Variants in STRBP observed in about 807,000 individuals in gnomAD.
STRBP encodes spermatid perinuclear RNA binding protein.
In STRBP, 13 loss-of-function variants were observed where a neutral mutation model predicts 80.1. The ratio of observed to expected loss-of-function variants is 0.16; its 90% CI spans 0.11 to 0.26. The LOEUF (loss-of-function observed/expected upper bound fraction) is 0.26, where lower values mean the gene tolerates loss of function less well. Among genes scored for constraint, STRBP ranks in the 10% least tolerant of loss-of-function variants. The pLI, the probability that STRBP is intolerant of heterozygous loss-of-function variation, is 1.00. For missense variants in STRBP, 485 were observed against 815.2 expected, an observed-to-expected ratio of 0.59 and a Z score of 4.93; for synonymous variants, 284 against 291.2, an observed-to-expected ratio of 0.98 and a Z score of 0.25.
chr9:123,238,872 C>G (rs1040052489), intron 1 of STRBP, among the ~76,000 whole-genome samples: 9 of 152,026 alleles, frequency 5.9e-5, no homozygotes, highest in Non-Finnish European at 1.3e-4. Flanking sequence ...GACACCCCCC[C>G]ACAATAAATT....
At chr9:123,208,588 C>T (rs2039603755) in intron 2 of STRBP, among the ~76,000 whole-genome samples, 1 of 152,166 alleles carries the variant, frequency 6.6e-6, no homozygotes, top group Admixed American at 6.6e-5. Context: ...AGTATAAAAG[C>T]ATCCATAAAC....
At chr9:123,144,377 A>G (rs1236655088) in intron 13 of STRBP, among the ~76,000 whole-genome samples, 1 of 152,134 alleles carries the variant, frequency 6.6e-6, no homozygotes, top group Non-Finnish European at 1.5e-5. Flanking sequence ...TATTTTCCAA[A>G]TCCCCAGTGG....
intron 3 of STRBP, among the ~76,000 whole-genome samples, chr9:123,179,605 G>A (rs1229683565): frequency 2.0e-5 from 3 of 151,886 alleles, no homozygotes; most frequent in Non-Finnish European, 1.5e-5. Context: ...GTAAAACCCC[G>A]TCTCTACTAA....
chr9:123,219,508 A>G (rs1245477333), intron 2 of STRBP, among the ~76,000 whole-genome samples: 3 of 152,262 alleles, frequency 2.0e-5, no homozygotes, highest in Non-Finnish European at 4.4e-5. Flanking sequence ...AATGTTTTCA[A>G]CATGCTTTTC....
chr9:123,189,160 G>A (rs2038821822), intron 2 of STRBP, among the ~76,000 whole-genome samples: 1 of 151,696 alleles, frequency 6.6e-6, no homozygotes, highest in African/African-American at 2.4e-5. Flanking sequence ...TCCTTTGCAG[G>A]GACATGGATG....
At position 123,223,975 on chromosome 9, in the gene STRBP, G is replaced by A. The variant is rs554370141; in HGVS notation, c.-165+12855C>T. 2.6e-5 allele frequency among the ~76,000 whole-genome samples: 4 copies of A among 152,222 alleles called. No individual in the cohort carries two copies. In the South Asian group the frequency reaches 8.3e-4, roughly 32 times the overall value. On this transcript the variant is annotated intron_variant, in intron 2 of 18. Coordinates refer to ENST00000348403, the MANE Select transcript of STRBP (RefSeq NM_018387.5). ...AGAAGCAAAGAAGAGTACGCAAGGT[G>A]CTCCAGAGATGCTATAGTTAGAAAA...
chr9:123,239,550 C>G (rs555281369), intron 1 of STRBP, among the ~76,000 whole-genome samples: 1 of 152,282 alleles, frequency 6.6e-6, no homozygotes, highest in African/African-American at 2.4e-5. Context: ...GGGCACAGAA[C>G]GTCTTGCATT....
In STRBP at chr9:123,184,450, T is replaced by C. The variant is rs1471797402; in HGVS notation, c.-164-152A>G. On this transcript the variant is annotated intron_variant, in intron 2 of 18. Transcript: ENST00000348403. ...TTCAAACAAAAAGCTAACACATCTTTTGAAGGCCTGGGCCCAGGAGCCTAG... is the reference window on the plus strand; with the variant it reads ...TTCAAACAAAAAGCTAACACATCTTCTGAAGGCCTGGGCCCAGGAGCCTAG... The C allele has an allele frequency of 3.1e-5, 7 of 227,610 alleles. No individual in the cohort carries two copies. The Admixed American group carries it at 3.9e-4, about 13-fold the overall frequency. The allele number at this position is 227,610 out of a possible 1,614,324, so 14.1% of individuals were successfully genotyped here.
At chr9:123,253,498 C>T (rs2040959397) in intron 1 of STRBP, among the ~76,000 whole-genome samples, 1 of 152,168 alleles carries the variant, frequency 6.6e-6, no homozygotes, top group South Asian at 2.1e-4. Context: ...AATTTAGTGA[C>T]AAGAACACCC....
At chr9:123,112,998 G>A (rs2035591941) in intron 3 of STRBP, 1 of 167,104 alleles carries the variant, frequency 6.0e-6, no homozygotes, top group African/African-American at 2.4e-5. Context: ...AACGCCTGAA[G>A]AAGGAAGATT....
At chr9:123,159,775 T>A (rs1031406251) in intron 8 of STRBP, among the ~76,000 whole-genome samples, 2 of 152,240 alleles carry the variant, frequency 1.3e-5, no homozygotes, top group Non-Finnish European at 2.9e-5. Context: ...ATTTAAATTG[T>A]TTTATAATGT....
At chr9:123,213,273 T>C (rs772696318) in intron 2 of STRBP, among the ~76,000 whole-genome samples, 39 of 152,204 alleles carry the variant, frequency 2.6e-4, no homozygotes, top group Non-Finnish European at 4.7e-4. Context: ...TTTCTCAGTA[T>C]GCAACAAATT....
intron 11 of STRBP, 56 bp from the exon 12 acceptor site, chr9:123,147,926 A>T: frequency 7.0e-7 from 1 of 1,433,854 alleles, no homozygotes; most frequent in South Asian, 1.2e-5. Context: ...CCCTTACCGT[A>T]CCATATGTAT....
chr9:123,245,046 A>G (rs1355744583), intron 1 of STRBP, among the ~76,000 whole-genome samples: 2 of 152,240 alleles, frequency 1.3e-5, no homozygotes, highest in Non-Finnish European at 2.9e-5. Flanking sequence ...GAAAAAGCCA[A>G]GCTGAAAAGT....
At chr9:123,139,493 T>C (rs756219354) in intron 14 of STRBP, 36 bp downstream of exon 14, 3 of 1,509,666 alleles carry the variant, frequency 2.0e-6, no homozygotes, top group Non-Finnish European at 2.7e-6. Flanking sequence ...AATGCACATA[T>C]ATGTTATTTT....
intron 2 of STRBP, among the ~76,000 whole-genome samples, chr9:123,218,191 C>T (rs2039956021): frequency 6.6e-6 from 1 of 152,088 alleles, no homozygotes; most frequent in Admixed American, 6.5e-5. Context: ...ACTACACATT[C>T]TTAGCATAGA....
At chr9:123,250,485 T>C (rs1460353385) in intron 1 of STRBP, among the ~76,000 whole-genome samples, 4 of 152,132 alleles carry the variant, frequency 2.6e-5, no homozygotes, top group African/African-American at 9.7e-5. Context: ...TCCTCGATAA[T>C]GTTTAAGATT....
chr9:123,178,483 T>C (rs191212121), intron 4 of STRBP, among the ~76,000 whole-genome samples: 1 of 152,282 alleles, frequency 6.6e-6, no homozygotes, highest in African/African-American at 2.4e-5. Flanking sequence ...TCCCATTAGA[T>C]CTTTATCCAA....
intron 1 of STRBP, among the ~76,000 whole-genome samples, chr9:123,254,674 A>G (rs2040990448): frequency 6.6e-6 from 1 of 152,182 alleles, no homozygotes; most frequent in East Asian, 1.9e-4. Context: ...AAAAAAATTT[A>G]CAATATACTC....
Sources: allele counts gnomAD v4.1 joint callset (sites outside exome capture counted in the v4.1 genomes callset), GRCh38; gene constraint gnomAD v4.1.1; transcripts MANE v1.5; gene names NCBI Gene and HGNC (gene_info 2026-07-23, HGNC 2026-07-21).